The following DGKH variants were observed in gnomAD, a reference collection of about 807,000 sequenced individuals.
The protein encoded by DGKH is diacylglycerol kinase eta.
Under a neutral mutation model 159.3 loss-of-function variants are expected in DGKH, and 90 were observed. That is an observed-to-expected ratio of 0.57 (90% confidence interval 0.48 to 0.67). The LOEUF is 0.67. Ranked by LOEUF, DGKH falls within the 30% of genes least tolerant of loss-of-function variation. The probability of loss-of-function intolerance (pLI) is 0.00; values close to 1 mark genes in which losing one functional copy is unlikely to be tolerated. For missense variants in DGKH, 1,181 were observed against 1,506.1 expected (o/e 0.78, Z 3.57); for synonymous variants, 536 against 553.8 (o/e 0.97, Z 0.45).
At chr13:42,083,557 A>G (rs1428444586) in intron 1 of DGKH, among the ~76,000 whole-genome samples, 1 of 152,186 alleles carries the variant, frequency 6.6e-6, no homozygotes, top group Non-Finnish European at 1.5e-5. Context: ...CCGCCGCTGT[A>G]GGCGTGGAAG....
At chr13:42,249,338 G>A (rs1958603678) in intron 29 of DGKH, among the ~76,000 whole-genome samples, 1 of 152,188 alleles carries the variant, frequency 6.6e-6, no homozygotes, top group Non-Finnish European at 1.5e-5. Flanking sequence ...AGTGAGCCCG[G>A]CCCTCTTGGT....
At chr13:42,228,659 G>A (rs1409341521) in intron 29 of DGKH, among the ~76,000 whole-genome samples, 1 of 131,686 alleles carries the variant, frequency 7.6e-6, no homozygotes, top group African/African-American at 2.8e-5. Context: ...AAAGAAAGAA[G>A]AAAGGGAGAG....
chr13:42,121,931 T>C (rs1170048613), intron 1 of DGKH, among the ~76,000 whole-genome samples: 1 of 152,196 alleles, frequency 6.6e-6, no homozygotes, highest in Non-Finnish European at 1.5e-5. Context: ...CAAGAGTTCT[T>C]TACACAGCCA....
At position 42,070,033 on chromosome 13, in the gene DGKH, T is replaced by C. The variant is rs545471687; in HGVS notation, c.192+21068T>C. On this transcript the variant is annotated intron_variant, in intron 1 of 29. Coordinates refer to ENST00000337343, the MANE Select transcript of DGKH (RefSeq NM_178009.5). Reference sequence around the variant, plus strand: ...CTGACAGTCATAGTACCTTTCCCAGTTATAAATGTGACTGTGAGTTTCATC... The same window carrying C: ...CTGACAGTCATAGTACCTTTCCCAGCTATAAATGTGACTGTGAGTTTCATC... The C allele has an allele frequency of 3.4e-3, 3,068 of 897,146 alleles. 93 individuals are homozygous for C. In the South Asian group the frequency reaches 0.039, roughly 12 times the overall value. 55.6% of individuals were successfully genotyped at this position (897,146 alleles called of 1,614,324 possible).
At chr13:42,148,055 C>T (rs1212491744) in intron 3 of DGKH, among the ~76,000 whole-genome samples, 1 of 152,166 alleles carries the variant, frequency 6.6e-6, no homozygotes, top group Non-Finnish European at 1.5e-5. Flanking sequence ...GTCTTTTCTG[C>T]CTGTCCTTTC....
At chr13:42,060,558 T>C (rs757043066) in intron 1 of DGKH, among the ~76,000 whole-genome samples, 2 of 152,192 alleles carry the variant, frequency 1.3e-5, no homozygotes, top group Non-Finnish European at 2.9e-5. Context: ...AATTGCCTCG[T>C]ATAGAAGGGA....
intron 1 of DGKH, among the ~76,000 whole-genome samples, chr13:42,076,978 T>G (rs1241976178): frequency 1.3e-5 from 2 of 152,190 alleles, no homozygotes; most frequent in East Asian, 3.8e-4. Flanking sequence ...CTGAGATTTT[T>G]ATCCTGTTAA....
At chr13:42,182,495 G>A (rs999019942) in intron 13 of DGKH, among the ~76,000 whole-genome samples, 3 of 152,064 alleles carry the variant, frequency 2.0e-5, no homozygotes, top group African/African-American at 7.2e-5. Flanking sequence ...CATAGTATTT[G>A]CATATAACCT....
At chr13:42,047,224 T>C (rs1353122872), upstream of DGKH, among the ~76,000 whole-genome samples, 1 of 152,246 alleles carries the variant, frequency 6.6e-6, no homozygotes, top group Non-Finnish European at 1.5e-5. Flanking sequence ...GAATTTAATT[T>C]ACAGTGTGAT....
intron 8 of DGKH, 76 bp from the exon 9 acceptor site, chr13:42,166,439 C>A (rs986430061): frequency 2.3e-6 from 3 of 1,279,906 alleles, no homozygotes; most frequent in African/African-American, 3.0e-5. Context: ...AATTTATTTT[C>A]TTTTCTCTGA....
intron 3 of DGKH, among the ~76,000 whole-genome samples, chr13:42,144,642 A>G (rs892428091): frequency 6.6e-6 from 1 of 151,836 alleles, no homozygotes; most frequent in Non-Finnish European, 1.5e-5. Flanking sequence ...AGATCGTGCC[A>G]CTGCACTCTT....
At chr13:42,040,383 C>A (rs1880404332) in intron 1 of DGKH, among the ~76,000 whole-genome samples, 1 of 151,920 alleles carries the variant, frequency 6.6e-6, no homozygotes, top group East Asian at 1.9e-4. Context: ...GGAGGCCGCT[C>A]CTTTCCGCGC....
intron 1 of DGKH, among the ~76,000 whole-genome samples, chr13:42,061,408 G>A (rs1285716006): frequency 1.3e-5 from 2 of 152,066 alleles, no homozygotes; most frequent in Non-Finnish European, 2.9e-5. Context: ...ATGATTTGGG[G>A]CTGCTTTTTA....
chr13:42,059,056 G>A (rs935077608), intron 1 of DGKH, among the ~76,000 whole-genome samples: 4 of 152,150 alleles, frequency 2.6e-5, no homozygotes, highest in Non-Finnish European at 4.4e-5. Context: ...CAAATTGGAC[G>A]TAGTATTCCT....
intron 3 of DGKH, among the ~76,000 whole-genome samples, chr13:42,141,864 T>A (rs1955571220): frequency 6.6e-6 from 1 of 151,946 alleles, no homozygotes; most frequent in Non-Finnish European, 1.5e-5. Context: ...ACTCTGATGG[T>A]AGTTTCTTTT....
Position 42,165,430 on chromosome 13 carries a change from G to C in DGKH, c.955G>C (p.Asp319His). 6.5e-7 allele frequency: 1 copy of C among 1,543,838 alleles called. No individual in the cohort carries two copies. Among genetic ancestry groups the C allele is most frequent in the Non-Finnish European group, 8.8e-7 (1 of 1,137,990 alleles). ...AATTGCACTAAACAGCACCGATTCCGATGGTATGTAGCAGTAGTGTAAGTA... is the reference window on the plus strand; with the variant it reads ...AATTGCACTAAACAGCACCGATTCCCATGGTATGTAGCAGTAGTGTAAGTA... Reference protein sequence around the residue: ...PPIALNSTDSDGFCRATFSFC... With the variant: ...PPIALNSTDSHGFCRATFSFC... Residue 319 changes from aspartate (D) to histidine (H), a missense_variant, in exon 8 of 30, where the codon GAT becomes CAT. Around this residue, in one of 5 missense-constraint regions of DGKH, gnomAD observed 369 missense variants for 519.4 expected, o/e 0.71. Transcript: ENST00000337343.
At position 42,219,269 on chromosome 13, in the gene DGKH, T is replaced by C; in HGVS notation, c.3253T>C (p.Leu1085=). The C allele has an allele frequency of 6.2e-7, 1 of 1,613,972 alleles. No individual in the cohort carries two copies. Residue 1085 remains leucine, a synonymous_variant, in exon 27 of 30, where the codon TTA becomes CTA. Transcript: ENST00000337343. ...ACATGAAGAGCGAGTATCCAATGCC[T>C]TACACTCTGTGGAGGTGGAATTACA... ...SPHEERVSNA[L]HSVEVELQKL...
intron 5 of DGKH, among the ~76,000 whole-genome samples, 182 bp from the exon 6 acceptor site, chr13:42,159,084 C>T (rs1208045107): frequency 6.6e-6 from 1 of 151,870 alleles, no homozygotes; most frequent in Non-Finnish European, 1.5e-5. Context: ...AATACATAGC[C>T]GTATTTGTTT....
At chr13:42,083,684 C>T (rs901058850) in intron 1 of DGKH, among the ~76,000 whole-genome samples, 2 of 152,154 alleles carry the variant, frequency 1.3e-5, no homozygotes, top group African/African-American at 2.4e-5. Context: ...GGACCCATGT[C>T]TGGGTCACTA....
Sources: allele counts gnomAD v4.1 joint callset (sites outside exome capture counted in the v4.1 genomes callset), GRCh38; gene constraint gnomAD v4.1.1; regional missense constraint gnomAD v4.1.1; transcripts MANE v1.5; gene names NCBI Gene and HGNC (gene_info 2026-07-23, HGNC 2026-07-21).